The following CD226 variants were observed in gnomAD, a reference collection of about 807,000 sequenced individuals.
CD226 encodes CD226 molecule.
A neutral mutation model predicts 34.9 loss-of-function variants in CD226; 24 were observed. The observed-to-expected ratio is 0.69, with a 90% confidence interval of 0.50 to 0.97. The LOEUF is 0.97. CD226 is among the 50% of genes least tolerant of loss of function. The pLI is 0.00. For missense variants in CD226, 397 were observed against 412.7 expected, an observed-to-expected ratio of 0.96 and a Z score of 0.33; for synonymous variants, 148 against 147.4, an observed-to-expected ratio of 1.00 and a Z score of -0.03.
intron 2 of CD226, among the ~76,000 whole-genome samples, chr18:69,916,638 A>G (rs1270518948): frequency 6.6e-6 from 1 of 152,182 alleles, no homozygotes; most frequent in Non-Finnish European, 1.5e-5. Flanking sequence ...TTGGACTAGA[A>G]ATCTGAGCTT....
chr18:69,904,646 G>A (rs2055229497), intron 2 of CD226, among the ~76,000 whole-genome samples: 1 of 152,200 alleles, frequency 6.6e-6, no homozygotes, highest in African/African-American at 2.4e-5. Context: ...ACATGGAAAA[G>A]TCAAACTTTT....
rs4891382 is a variant in CD226, at chr18:69,938,009, G to C, written c.382+8725C>G. ...AGAACACTTGTCCCTGAAGGGTGTA[G>C]AGATAAGAGCCTTCTAAGAATGAGC... On this transcript the variant is annotated intron_variant, in intron 2 of 5. Transcript: ENST00000582621. 3.2e-3 allele frequency among the ~76,000 whole-genome samples: 492 copies of C among 152,322 alleles called. 11 individuals are homozygous for C. Among genetic ancestry groups the C allele is most frequent in the Admixed American group, 0.027 (408 of 15,306 alleles).
chr18:69,923,760 C>T (rs931419760), intron 2 of CD226, among the ~76,000 whole-genome samples: 120 of 151,902 alleles, frequency 7.9e-4, no homozygotes, highest in Non-Finnish European at 1.4e-3. Context: ...GAGACCATCC[C>T]GGCTAAAAAC....
Position 69,947,054 on chromosome 18 carries a change from A to G in CD226, c.62T>C (p.Val21Ala). 1 of 1,613,492 alleles carries G rather than the reference A, an allele frequency of 6.2e-7. No homozygotes were observed. The highest frequency in any genetic ancestry group is 8.5e-7 in the Non-Finnish European group (1 of 1,179,470). ...LHVYRALCEE[V>A]LWHTSVPFAE... The stretch of plus-strand genomic sequence containing the variant: ...AAAGGGAACTGATGTATGCCAAAGC[A>G]CCTCTTCACATAGAGCTGAAATATA... Residue 21 changes from valine to alanine, a missense_variant, in exon 2 of 6, where the codon GTG becomes GCG. By Grantham distance (64) the Val-to-Ala change is moderately conservative. Coordinates refer to ENST00000582621, the MANE Select transcript of CD226 (RefSeq NM_001303618.2).
intron 4 of CD226, among the ~76,000 whole-genome samples, chr18:69,870,208 T>TC (rs1169823572): frequency 6.6e-6 from 1 of 151,262 alleles, no homozygotes; most frequent in Admixed American, 6.6e-5. Flanking sequence ...AACATTTTTC[T>TC]CCCTAAATAT....
upstream of CD226, among the ~76,000 whole-genome samples, chr18:69,951,843 A>C (rs958449708): frequency 6.6e-6 from 1 of 152,204 alleles, no homozygotes. Context: ...AAATTAGTAC[A>C]ACGTCTATGG....
chr18:69,900,140 T>C (rs556399280), intron 2 of CD226, among the ~76,000 whole-genome samples: 1 of 152,292 alleles, frequency 6.6e-6, no homozygotes, highest in South Asian at 2.1e-4. Context: ...GGAACATGGA[T>C]GCAGCTGGAG....
rs894817719 is a variant in CD226, at chr18:69,857,336, A to G, written c.*6978T>C. 1.3e-5 allele frequency: 2 copies of G among 152,228 alleles called. No homozygotes were observed. Among genetic ancestry groups the G allele is most frequent in the African/African-American group, 4.8e-5 (2 of 41,458 alleles). 9.4% of individuals were successfully genotyped at this position (152,228 alleles called of 1,614,324 possible). ...TCAAAATTTGCTTCTGAGGACCATT[A>G]TACGATAAAAATAAAGTGTGGGATA... On this transcript the variant is annotated 3_prime_UTR_variant, in exon 6 of 6. Transcript: ENST00000582621.
chr18:69,914,551 T>C (rs996370550), intron 2 of CD226, among the ~76,000 whole-genome samples: 3 of 152,222 alleles, frequency 2.0e-5, no homozygotes, highest in Non-Finnish European at 4.4e-5. Flanking sequence ...AAAGCATTTC[T>C]ACTGAAGTAA....
chr18:69,897,052 C>T (rs1327496177), intron 2 of CD226, among the ~76,000 whole-genome samples: 1 of 152,108 alleles, frequency 6.6e-6, no homozygotes, highest in African/African-American at 2.4e-5. Flanking sequence ...GGGGATATGC[C>T]AGTTCAAATC....
chr18:69,925,640 C>T (rs982931463), intron 2 of CD226, among the ~76,000 whole-genome samples: 1 of 152,120 alleles, frequency 6.6e-6, no homozygotes, highest in African/African-American at 2.4e-5. Flanking sequence ...ATGGACCCTA[C>T]ACTCTCTATA....
upstream of CD226, among the ~76,000 whole-genome samples, chr18:69,958,788 A>ACACACACACAC (rs2055915342): frequency 7.0e-6 from 1 of 143,706 alleles, no homozygotes; most frequent in African/African-American, 2.6e-5. Flanking sequence ...TTCACAGGCA[A>ACACACACACAC]ACACACACAC....
At chr18:69,902,964 A>G (rs971113753) in intron 2 of CD226, among the ~76,000 whole-genome samples, 3 of 152,152 alleles carry the variant, frequency 2.0e-5, no homozygotes, top group African/African-American at 4.8e-5. Context: ...GCAAAATGAA[A>G]TGTTGACTGC....
At chr18:69,923,682 G>A (rs771673857) in intron 2 of CD226, among the ~76,000 whole-genome samples, 7 of 152,254 alleles carry the variant, frequency 4.6e-5, no homozygotes, top group Admixed American at 1.3e-4. Flanking sequence ...GGCCGGGCGC[G>A]GTGGCTCACG....
At chr18:69,915,623 T>C (rs2055376482) in intron 2 of CD226, among the ~76,000 whole-genome samples, 1 of 152,206 alleles carries the variant, frequency 6.6e-6, no homozygotes, top group Non-Finnish European at 1.5e-5. Context: ...AGCTCAGTGT[T>C]TGCCATTCTC....
intron 3 of CD226, among the ~76,000 whole-genome samples, chr18:69,878,187 GAATT>G (rs1216844527): frequency 6.6e-6 from 1 of 152,144 alleles, no homozygotes; most frequent in Non-Finnish European, 1.5e-5. Context: ...TAAAAAAGAA[GAATT>G]GTTTCCAGAA....
At chr18:69,904,846 C>G (rs1362952533) in intron 2 of CD226, among the ~76,000 whole-genome samples, 1 of 152,202 alleles carries the variant, frequency 6.6e-6, no homozygotes, top group African/African-American at 2.4e-5. Context: ...TGTAGACTTT[C>G]TGCATGGCAG....
chr18:69,926,729 T>C (rs750649595), intron 2 of CD226, among the ~76,000 whole-genome samples: 3 of 152,216 alleles, frequency 2.0e-5, no homozygotes, highest in Non-Finnish European at 2.9e-5. Context: ...GATCTTTGTA[T>C]ATTATCTCAT....
At position 69,899,197 on chromosome 18, in the gene CD226, A is replaced by C. The variant is rs548982808; in HGVS notation, c.383-3152T>G. Among the ~76,000 whole-genome samples, 11 of 152,288 alleles carry C rather than the reference A, an allele frequency of 7.2e-5. No homozygotes were observed. In the East Asian group the frequency reaches 1.4e-3, roughly 19 times the overall value. On this transcript the variant is annotated intron_variant, in intron 2 of 5. Transcript: ENST00000582621. The stretch of plus-strand genomic sequence containing the variant: ...ACTGCTCATGTCCTGGGTACCCCAA[A>C]CATTGCTGGGTACATCTTCACATCA...
Sources: allele counts gnomAD v4.1 joint callset (sites outside exome capture counted in the v4.1 genomes callset), GRCh38; gene constraint gnomAD v4.1.1; transcripts MANE v1.5; gene names NCBI Gene and HGNC (gene_info 2026-07-23, HGNC 2026-07-21).